Variants in PTPRM observed in about 807,000 individuals in gnomAD.
PTPRM encodes the protein receptor-type tyrosine-protein phosphatase mu.
In PTPRM, 47 loss-of-function variants were observed where a neutral mutation model predicts 186.7. The observed-to-expected ratio is 0.25, with a 90% CI of 0.20 to 0.32. PTPRM has a LOEUF of 0.32. PTPRM is among the 10% of genes least tolerant of loss of function. The pLI, the probability that PTPRM is intolerant of heterozygous loss-of-function variation, is 1.00. For synonymous variants in PTPRM, 668 were observed against 674.9 expected (o/e 0.99, Z 0.16); for missense variants, 1,494 against 1,865.0 (o/e 0.80, Z 3.66).
rs182632612 is a variant in PTPRM at position 7,631,699 on chromosome 18, G to T, written c.73+63808G>T. Among the ~76,000 whole-genome samples the T allele has an allele frequency of 2.2e-3, 341 of 152,140 alleles. 1 individual carries two copies. The highest frequency in any genetic ancestry group is 3.8e-3 in the Non-Finnish European group (255 of 67,996). ...GTTAGTGTTGGTATGTTTTATGTGT[G>T]GCCCAAGACAATTATTCTTCTTCCA... On this transcript the variant is annotated intron_variant, in intron 1 of 32. Transcript: ENST00000580170.
At chr18:8,111,782 A>G (rs1408019483) in intron 11 of PTPRM, among the ~76,000 whole-genome samples, 1 of 152,344 alleles carries the variant, frequency 6.6e-6, no homozygotes, top group East Asian at 1.9e-4. Context: ...GGAGAAAAAT[A>G]AAACTCAAAT....
intron 1 of PTPRM, among the ~76,000 whole-genome samples, chr18:7,618,864 G>A (rs759391427): frequency 1.1e-4 from 17 of 152,180 alleles, no homozygotes; most frequent in Admixed American, 2.0e-4. Flanking sequence ...GTGGGATTGG[G>A]TATTGAAATG....
chr18:8,279,360 C>T (rs765546197), intron 19 of PTPRM, among the ~76,000 whole-genome samples: 3 of 152,140 alleles, frequency 2.0e-5, no homozygotes, highest in Admixed American at 6.5e-5. Context: ...AGGCCTTTTC[C>T]GACCCTTAAT....
At chr18:8,039,752 T>A (rs2148148528) in intron 7 of PTPRM, among the ~76,000 whole-genome samples, 1 of 152,298 alleles carries the variant, frequency 6.6e-6, no homozygotes, top group South Asian at 2.1e-4. Flanking sequence ...ACAGTAGATC[T>A]CTTGCAGTTA....
In PTPRM at chr18:8,320,194, G is replaced by T. The variant is rs1342158741; in HGVS notation, c.2956+980G>T. On this transcript the variant is annotated intron_variant, in intron 22 of 32. Coordinates refer to ENST00000580170, the MANE Select transcript of PTPRM (RefSeq NM_001105244.2). ...AGTGAAAAGGATGTGATCTGCCAAAGGTTAGGCATGGGGGCAGGGTGTACA... is the reference window on the plus strand; with the variant it reads ...AGTGAAAAGGATGTGATCTGCCAAATGTTAGGCATGGGGGCAGGGTGTACA... Among the ~76,000 whole-genome samples, 12 of 152,214 alleles carry T rather than the reference G, an allele frequency of 7.9e-5. No homozygotes were observed. In the East Asian group the frequency reaches 2.3e-3, roughly 29 times the overall value.
At chr18:7,612,701 A>G (rs1445878953) in intron 1 of PTPRM, among the ~76,000 whole-genome samples, 1 of 152,200 alleles carries the variant, frequency 6.6e-6, no homozygotes, top group Admixed American at 6.5e-5. Context: ...TATGTGAGAA[A>G]GAGAAGCTGA....
intron 3 of PTPRM, among the ~76,000 whole-genome samples, chr18:7,906,295 A>G (rs1400624843): frequency 6.6e-6 from 1 of 152,080 alleles, no homozygotes; most frequent in Non-Finnish European, 1.5e-5. Flanking sequence ...TGTCTAACGC[A>G]TTCACTACCT....
intron 1 of PTPRM, among the ~76,000 whole-genome samples, chr18:7,733,909 T>G (rs1324334405): frequency 6.6e-6 from 1 of 152,178 alleles, no homozygotes; most frequent in Non-Finnish European, 1.5e-5. Flanking sequence ...AAACATCTGG[T>G]GTAAACCCTT....
At chr18:8,072,292 C>T (rs1313784393) in intron 8 of PTPRM, among the ~76,000 whole-genome samples, 1 of 152,072 alleles carries the variant, frequency 6.6e-6, no homozygotes, top group African/African-American at 2.4e-5. Context: ...AAAGCATGAA[C>T]CTATTGAACA....
intron 15 of PTPRM, among the ~76,000 whole-genome samples, chr18:8,245,008 A>C (rs2147305532): frequency 6.6e-6 from 1 of 152,314 alleles, no homozygotes; most frequent in African/African-American, 2.4e-5. Flanking sequence ...AAGTGCAGCT[A>C]TTCCTGTTAC....
At position 8,368,111 on chromosome 18, in the gene PTPRM, ATATC is replaced by A. The variant is rs2095643138; in HGVS notation, c.3055-2774_3055-2771del. Among the ~76,000 whole-genome samples the A allele has an allele frequency of 2.0e-5, 3 of 151,792 alleles. No individual in the cohort carries two copies. In the South Asian group the frequency reaches 6.3e-4, roughly 32 times the overall value. On this transcript the variant is annotated intron_variant, in intron 23 of 32. Transcript: ENST00000580170. ...GCCTGTATACCATATATGTAGTTTT[ATATC>A]TATCCCACTACCTTCTGCTTGCATA...
intron 14 of PTPRM, among the ~76,000 whole-genome samples, chr18:8,193,966 A>G (rs1433784390): frequency 6.6e-6 from 1 of 152,172 alleles, no homozygotes; most frequent in Non-Finnish European, 1.5e-5. Flanking sequence ...TTAATCTGAC[A>G]TGGCTGATTT....
At chr18:8,282,539 G>A (rs990569725) in intron 19 of PTPRM, among the ~76,000 whole-genome samples, 1 of 152,130 alleles carries the variant, frequency 6.6e-6, no homozygotes, top group African/African-American at 2.4e-5. Flanking sequence ...GTGGCCGCCT[G>A]TAATCCCAGT....
At chr18:7,788,960 C>T (rs1372988010) in intron 2 of PTPRM, among the ~76,000 whole-genome samples, 1 of 152,014 alleles carries the variant, frequency 6.6e-6, no homozygotes, top group Non-Finnish European at 1.5e-5. Flanking sequence ...TTTTGGTTCT[C>T]CTTTTTTTTC....
chr18:7,854,111 A>G (rs1217894476), intron 2 of PTPRM, among the ~76,000 whole-genome samples: 1 of 152,198 alleles, frequency 6.6e-6, no homozygotes, highest in Non-Finnish European at 1.5e-5. Context: ...TTTATGTACC[A>G]TAAGAGAATG....
intron 19 of PTPRM, among the ~76,000 whole-genome samples, chr18:8,265,493 G>C (rs1199608313): frequency 1.3e-5 from 2 of 152,218 alleles, no homozygotes; most frequent in Non-Finnish European, 2.9e-5. Context: ...GTAAGCCTGA[G>C]TTGGGCATGA....
chr18:7,668,672 C>T lies in PTPRM; in HGVS notation c.73+100781C>T, dbSNP rs527569798. ...CCTGCCAGTGGGGCCTCTGCTGCCT[C>T]AGCTCCCTCCCTGGAGGCTGTAATG... On this transcript the variant is annotated intron_variant, in intron 1 of 32. Coordinates refer to ENST00000580170, the MANE Select transcript of PTPRM (RefSeq NM_001105244.2). This position sits in a 1 kb window ranked among gnomAD's most constrained non-coding sequence, Gnocchi z 4.7. Among the ~76,000 whole-genome samples the T allele has an allele frequency of 1.3e-5, 2 of 152,244 alleles. No individual in the cohort carries two copies. The highest frequency in any genetic ancestry group is 4.8e-5 in the African/African-American group (2 of 41,568).
chr18:8,122,039 A>C (rs1273391623), intron 13 of PTPRM: 2 of 151,964 alleles, frequency 1.3e-5, no homozygotes, highest in African/African-American at 4.8e-5. Context: ...CTGCCTGACT[A>C]GAGCTTGTTT....
chr18:7,911,668 G>GTTGTTTTCTCATTTTC (rs915967705), intron 4 of PTPRM, among the ~76,000 whole-genome samples: 24 of 152,028 alleles, frequency 1.6e-4, no homozygotes, highest in Non-Finnish European at 3.1e-4. Flanking sequence ...CAATCTGTGA[G>GTTGTTTTCTCATTTTC]TTGTTTTCTC....
Sources: allele counts gnomAD v4.1 joint callset (sites outside exome capture counted in the v4.1 genomes callset), GRCh38; gene constraint gnomAD v4.1.1; non-coding constraint Gnocchi (gnomAD v3.1); transcripts MANE v1.5; gene names NCBI Gene and HGNC (gene_info 2026-07-23, HGNC 2026-07-21).